The following ERCC6L2 variants were observed in gnomAD, a reference collection of about 807,000 sequenced individuals.
The protein encoded by ERCC6L2 is ERCC excision repair 6 like 2, also known as DNA excision repair protein ERCC-6-like 2.
Under a neutral mutation model 132.0 loss-of-function variants are expected in ERCC6L2, and 77 were observed. The observed-to-expected ratio is 0.58, with a 90% CI of 0.49 to 0.71. ERCC6L2 has a LOEUF of 0.71. Among genes scored for constraint, ERCC6L2 ranks in the 30% least tolerant of loss-of-function variants. ERCC6L2 has a pLI of 0.00. For synonymous variants in ERCC6L2, 583 were observed against 632.4 expected, an observed-to-expected ratio of 0.92 and a Z score of 1.17; for missense variants, 1,542 against 1,837.6, an observed-to-expected ratio of 0.84 and a Z score of 2.94.
At chr9:96,035,328 G>A (rs1263234317) in intron 19 of ERCC6L2, among the ~76,000 whole-genome samples, 1 of 152,150 alleles carries the variant, frequency 6.6e-6, no homozygotes, top group Non-Finnish European at 1.5e-5. Flanking sequence ...GATTCATGGT[G>A]CCTCTTCCGA....
chr9:96,033,787 G>T (rs1588069911), intron 19 of ERCC6L2, among the ~76,000 whole-genome samples: 1 of 152,154 alleles, frequency 6.6e-6, no homozygotes, highest in African/African-American at 2.4e-5. Context: ...AACTTATTTA[G>T]GGGGTTCCAC....
At position 95,955,929 on chromosome 9, in the gene ERCC6L2, ACAATGTAGAGATGT is replaced by A. The variant is rs1831577033; in HGVS notation, c.1867_1880del (p.Cys623SerfsTer3). On this transcript the variant is annotated frameshift_variant, in exon 13 of 19. Coordinates refer to ENST00000653738, the MANE Select transcript of ERCC6L2 (RefSeq NM_020207.7). LOFTEE classifies it high-confidence loss of function. ...CCTTTTACAGAGCATATAGGATTGG[ACAATGTAGAGATGT>A]CAAAGTGCTTAGGCTGATATCCTTG... is the stretch of plus-strand genomic sequence containing the variant. 6.2e-7 allele frequency: 1 copy of A among 1,600,620 alleles called. No homozygotes were observed. The highest frequency in any genetic ancestry group is 1.7e-5 in the Admixed American group (1 of 57,358).
intron 17 of ERCC6L2, among the ~76,000 whole-genome samples, chr9:95,994,486 G>A (rs868692364): frequency 6.6e-5 from 10 of 152,132 alleles, no homozygotes; most frequent in African/African-American, 1.9e-4. Flanking sequence ...TTTGCTCCGT[G>A]AGGTATATTC....
intron 2 of ERCC6L2, 87 bp downstream of exon 2, chr9:95,881,380 C>T (rs189313072): frequency 1.4e-5 from 15 of 1,036,352 alleles, no homozygotes; most frequent in Admixed American, 1.4e-4. Flanking sequence ...ACTGCTGTTA[C>T]GATAGCTATT....
In ERCC6L2 at chr9:95,928,712, C is replaced by A; in HGVS notation, c.1606-7C>A. 1 of 1,593,758 alleles carries A rather than the reference C, an allele frequency of 6.3e-7. No individual in the cohort carries two copies. Among genetic ancestry groups the A allele is most frequent in the Admixed American group, 1.8e-5 (1 of 55,192 alleles). On this transcript the variant is annotated splice_polypyrimidine_tract_variant and splice_region_variant and intron_variant, in intron 10 of 18. Coordinates refer to ENST00000653738, the MANE Select transcript of ERCC6L2 (RefSeq NM_020207.7). ...CATGTTTGCCCATCTTCATACCTCT[C>A]GTCTAGTTGCTTGACGTGCTACAGC...
rs749393023 is a variant in ERCC6L2, at chr9:95,881,240, C to A, written c.418C>A (p.His140Asn). The change falls in exon 2 of 19, where the codon CAT (histidine) becomes AAT (asparagine). Residue 140 changes from histidine to asparagine, a missense_variant. Physicochemically the swap from His to Asn is moderately conservative, Grantham distance 68. This residue lies in a region of ERCC6L2 where 945 missense variants were observed against 1,105.2 expected (regional missense o/e 0.86). Coordinates refer to ENST00000653738, the MANE Select transcript of ERCC6L2 (RefSeq NM_020207.7). ...GTRFLYGHYI[H>N]GGGCILGDDM... ...CCGGTTTCTTTATGGACACTACATC[C>A]ATGGAGGAGGGTGCATTCTGGGTGA... 3 of 1,589,002 alleles carry A rather than the reference C, an allele frequency of 1.9e-6. No homozygotes were observed. Among genetic ancestry groups the A allele is most frequent in the Non-Finnish European group, 1.7e-6 (2 of 1,173,522 alleles).
At chr9:95,906,629 G>A (rs1344125373) in intron 3 of ERCC6L2, 1 of 456,480 alleles carries the variant, frequency 2.2e-6, no homozygotes, top group Non-Finnish European at 4.4e-6. Context: ...TGAAAGAGGG[G>A]GAGCGGAAAT....
At position 95,880,191 on chromosome 9, in the gene ERCC6L2, G is replaced by A. The variant is rs192808265; in HGVS notation, c.47-678G>A. 1.3e-3 allele frequency among the ~76,000 whole-genome samples: 200 copies of A among 152,284 alleles called. 1 individual carries two copies. The highest frequency in any genetic ancestry group is 4.3e-3 in the African/African-American group (180 of 41,562). ...CAAAACCCGGAAGAGGAAAAGCTGTGACATCACTGTAGTTGAATTGGAGGT... is the reference window on the plus strand; with the variant it reads ...CAAAACCCGGAAGAGGAAAAGCTGTAACATCACTGTAGTTGAATTGGAGGT... On this transcript the variant is annotated intron_variant, in intron 1 of 18. Transcript: ENST00000653738.
intron 12 of ERCC6L2, among the ~76,000 whole-genome samples, chr9:95,948,637 C>T (rs75726078): frequency 6.6e-6 from 1 of 151,850 alleles, no homozygotes; most frequent in African/African-American, 2.4e-5. Context: ...CCAGAAATGA[C>T]CTGAGAAGAC....
chr9:95,876,074 C>T lies in ERCC6L2; in HGVS notation c.36C>T (p.Thr12=), dbSNP rs1827245620. 7.6e-6 allele frequency: 12 copies of T among 1,581,318 alleles called. No individual in the cohort carries two copies. Among genetic ancestry groups the T allele is most frequent in the Non-Finnish European group, 1.0e-5 (12 of 1,164,280 alleles). The change falls in exon 1 of 19, where the codon ACC becomes ACT. Residue 12 remains threonine, a synonymous_variant. Transcript: ENST00000653738. ...DPSAPQPRAE[T]SGKDIWHPGE... ...CGGCGCCACAGCCCCGCGCGGAAAC[C>T]TCAGGCAAAGGTACCAGCTCCGCGC...
chr9:95,889,377 G>C (rs1828039466), intron 2 of ERCC6L2, among the ~76,000 whole-genome samples: 1 of 152,080 alleles, frequency 6.6e-6, no homozygotes, highest in South Asian at 2.1e-4. Context: ...CATTTAAATT[G>C]TTATGGTATC....
rs1205824380 is a variant in ERCC6L2, at chr9:96,013,495, A to G, written c.*292A>G. The stretch of plus-strand genomic sequence containing the variant: ...GACATCTTTCTTACTATATTACATA[A>G]TGATGTGACACTTGCCCCGGTGAGC... On this transcript the variant is annotated 3_prime_UTR_variant, in exon 19 of 19. Transcript: ENST00000653738. 1 of 193,520 alleles carries G rather than the reference A, an allele frequency of 5.2e-6. No individual in the cohort carries two copies. Among genetic ancestry groups the G allele is most frequent in the Non-Finnish European group, 1.1e-5 (1 of 93,116 alleles). 12.0% of individuals were successfully genotyped at this position (193,520 alleles called of 1,614,324 possible).
chr9:95,958,627 T>C (rs1379322768), intron 13 of ERCC6L2, among the ~76,000 whole-genome samples: 2 of 152,182 alleles, frequency 1.3e-5, no homozygotes, highest in Non-Finnish European at 2.9e-5. Flanking sequence ...CATTTTTTCA[T>C]GAGTTTTTCG....
At chr9:95,925,114 C>G (rs923966800) in intron 9 of ERCC6L2, among the ~76,000 whole-genome samples, 3 of 152,134 alleles carry the variant, frequency 2.0e-5, no homozygotes, top group African/African-American at 7.2e-5. Context: ...CACAGGTCAG[C>G]CTGCAGGTGC....
At chr9:95,920,271 TCTC>T (rs1829799997) in intron 6 of ERCC6L2, among the ~76,000 whole-genome samples, 1 of 152,164 alleles carries the variant, frequency 6.6e-6, no homozygotes, top group Non-Finnish European at 1.5e-5. Flanking sequence ...AAGACCAGCC[TCTC>T]CTCTTCCTTA....
At chr9:95,903,449 A>T (rs546777549) in intron 3 of ERCC6L2, among the ~76,000 whole-genome samples, 1 of 152,174 alleles carries the variant, frequency 6.6e-6, no homozygotes, top group South Asian at 2.1e-4. Flanking sequence ...CTATTGATAT[A>T]TTAGTTGATG....
chr9:95,876,385 C>G (rs1486661528), intron 1 of ERCC6L2: 1 of 356,142 alleles, frequency 2.8e-6, no homozygotes, highest in Non-Finnish European at 5.1e-6. Context: ...TATTAAATGA[C>G]GTGGGGAATA....
chr9:95,969,270 A>G (rs1832303668), intron 14 of ERCC6L2, among the ~76,000 whole-genome samples: 1 of 152,192 alleles, frequency 6.6e-6, no homozygotes, highest in African/African-American at 2.4e-5. Context: ...CAGAAAGATG[A>G]CATAGTCTGA....
intron 17 of ERCC6L2, among the ~76,000 whole-genome samples, chr9:95,982,247 G>C (rs988463966): frequency 1.3e-5 from 2 of 152,122 alleles, no homozygotes; most frequent in African/African-American, 4.8e-5. Context: ...TATATAACCA[G>C]TGCAGGTTTA....
Sources: gnomAD v4.1 joint callset for allele counts (sites outside exome capture counted in the v4.1 genomes callset) on GRCh38, gnomAD v4.1.1 for gene constraint, gnomAD v4.1.1 regional missense constraint, MANE v1.5 for transcripts, NCBI Gene and HGNC (gene_info 2026-07-23, HGNC 2026-07-21) for gene names.